TENM1: variants seen among roughly 807,000 people sequenced by gnomAD.
The protein encoded by TENM1 is teneurin transmembrane protein 1, also known as teneurin-1.
Under a neutral mutation model 174.8 loss-of-function variants are expected in TENM1, and 35 were observed. That is an observed-to-expected ratio of 0.20 (90% CI 0.15 to 0.27). The LOEUF (loss-of-function observed/expected upper bound fraction) is 0.27, where lower values mean the gene tolerates loss of function less well. TENM1 is among the 10% of genes least tolerant of loss of function. TENM1 has a pLI of 1.00. For missense variants in TENM1, 1,633 were observed against 2,130.1 expected (o/e 0.77, Z 4.59); for synonymous variants, 781 against 798.7 (o/e 0.98, Z 0.37).
chrX:124,433,354 A>C (rs2060800476), intron 23 of TENM1, among the ~76,000 whole-genome samples: 1 of 112,165 alleles, frequency 8.9e-6, no homozygotes, highest in African/African-American at 3.2e-5. Context: ...AGCAAAGTCC[A>C]CTAGGGCAGT....
intron 3 of TENM1, among the ~76,000 whole-genome samples, chrX:124,847,386 C>G (rs1381097801): frequency 8.9e-6 from 1 of 111,917 alleles, no homozygotes; most frequent in East Asian, 2.8e-4. Flanking sequence ...ACCTTCGAAT[C>G]TTTCAAAACA....
rs890290793 is a variant in TENM1, at chrX:124,463,472, T to G, written c.3950-9981A>C. ...TAGTCAAAAATTTCCACACAGGCCCTGCTTGAACACTTTAGGCTTTTCTGT... is the reference window on the plus strand; with the variant it reads ...TAGTCAAAAATTTCCACACAGGCCCGGCTTGAACACTTTAGGCTTTTCTGT... On this transcript the variant is annotated intron_variant, in intron 22 of 31. Transcript: ENST00000422452. Among the ~76,000 whole-genome samples the G allele has an allele frequency of 2.7e-5, 3 of 111,874 alleles. No homozygotes were observed. The East Asian group carries it at 8.4e-4, about 31-fold the overall frequency.
At chrX:125,055,227 C>T in the TENM1 span, among the ~76,000 whole-genome samples, 5 of 111,491 alleles carry the variant, frequency 4.5e-5, no homozygotes, top group East Asian at 1.4e-3. Context: ...ATTATTATTA[C>T]GTCAGTTTTA....
intron 3 of TENM1, among the ~76,000 whole-genome samples, chrX:124,808,272 A>G (rs2055667627): frequency 1.8e-5 from 2 of 112,204 alleles, no homozygotes; most frequent in South Asian, 7.4e-4. Context: ...CAATTTAGCA[A>G]GAGGATATAA....
At chrX:124,409,955 T>C (rs1224735732) in intron 25 of TENM1, among the ~76,000 whole-genome samples, 3 of 109,623 alleles carry the variant, frequency 2.7e-5, no homozygotes, top group Non-Finnish European at 5.7e-5. Context: ...CAAGGTAATT[T>C]ATAGATTCAA....
chrX:124,682,020 C>T (rs548531832), intron 5 of TENM1, among the ~76,000 whole-genome samples: 135 of 111,574 alleles, frequency 1.2e-3, no homozygotes, highest in African/African-American at 4.1e-3. Context: ...AGAGGGCCTC[C>T]GGTCTTTGAG....
At chrX:124,880,849 A>T (rs1447117403) in intron 3 of TENM1, among the ~76,000 whole-genome samples, 1 of 112,051 alleles carries the variant, frequency 8.9e-6, no homozygotes, top group Non-Finnish European at 1.9e-5. Flanking sequence ...TGATTTGCAT[A>T]TATTGAACCA....
At chrX:124,951,874 C>T (rs1035093163) in intron 1 of TENM1, among the ~76,000 whole-genome samples, 3 of 109,282 alleles carry the variant, frequency 2.7e-5, no homozygotes, top group Non-Finnish European at 5.7e-5. Flanking sequence ...ACAGCCAGCC[C>T]GCTTGTAGCT....
the TENM1 span, among the ~76,000 whole-genome samples, chrX:125,000,539 T>C: frequency 1.8e-5 from 2 of 111,933 alleles, no homozygotes; most frequent in African/African-American, 6.5e-5. Context: ...AAAGGAGACA[T>C]GTTAATGCAT....
chrX:124,930,686 G>C (rs886224110), intron 1 of TENM1, among the ~76,000 whole-genome samples: 30 of 111,777 alleles, frequency 2.7e-4, no homozygotes, highest in African/African-American at 9.1e-4. Context: ...GCACACTGTG[G>C]GGGCTTGATA....
At chrX:124,806,258 A>G (rs1454166009) in intron 3 of TENM1, among the ~76,000 whole-genome samples, 1 of 112,168 alleles carries the variant, frequency 8.9e-6, no homozygotes, top group Non-Finnish European at 1.9e-5. Flanking sequence ...ATTTAAGAGT[A>G]TCTAGTCAAA....
At chrX:124,440,937 C>T (rs1323324582) in intron 23 of TENM1, among the ~76,000 whole-genome samples, 1 of 112,015 alleles carries the variant, frequency 8.9e-6, no homozygotes, top group East Asian at 2.8e-4. Context: ...ACTGACATGG[C>T]AAACGTACAC....
chrX:124,678,513 G>A (rs761692950), intron 5 of TENM1, among the ~76,000 whole-genome samples: 1 of 110,661 alleles, frequency 9.0e-6, no homozygotes, highest in African/African-American at 3.3e-5. Context: ...TAAAATACCA[G>A]GTGCTCAACA....
At chrX:124,968,735 A>T (rs2147834819), upstream of TENM1, among the ~76,000 whole-genome samples, 1 of 111,815 alleles carries the variant, frequency 8.9e-6, no homozygotes, top group South Asian at 3.8e-4. Flanking sequence ...CCAGGTGACA[A>T]GGAAAACTTT....
At chrX:124,397,981 C>A (rs952996238) in intron 27 of TENM1, among the ~76,000 whole-genome samples, 1 of 109,291 alleles carries the variant, frequency 9.1e-6, no homozygotes. Flanking sequence ...GTAATCCCAG[C>A]ACTTTGGGAG....
chrX:124,757,163 C>CAG (rs1203844776), intron 3 of TENM1, among the ~76,000 whole-genome samples: 9 of 112,535 alleles, frequency 8.0e-5, no homozygotes, highest in East Asian at 2.8e-4. Context: ...GAGCTTCCGG[C>CAG]CTGCTTTGTT....
chrX:125,125,669 T>C, the TENM1 span, among the ~76,000 whole-genome samples: 1 of 112,131 alleles, frequency 8.9e-6, no homozygotes, highest in South Asian at 3.7e-4. Flanking sequence ...CCAGCTGTTC[T>C]AGTTATTTCC....
chrX:124,384,960 T>C, intron 29 of TENM1, 106 bp from the exon 33 acceptor site: 1 of 726,784 alleles, frequency 1.4e-6, no homozygotes, highest in Non-Finnish European at 1.9e-6. Flanking sequence ...ATATTCATAA[T>C]ACAATATTAG....
At chrX:125,103,685 T>C in the TENM1 span, among the ~76,000 whole-genome samples, 23 of 112,655 alleles carry the variant, frequency 2.0e-4, no homozygotes, top group African/African-American at 7.4e-4. Flanking sequence ...CCTGCTTGCT[T>C]AATATAAAAT....
Sources: allele counts gnomAD v4.1 joint callset (sites outside exome capture counted in the v4.1 genomes callset), GRCh38; gene constraint gnomAD v4.1.1; transcripts MANE v1.5; gene names NCBI Gene and HGNC (gene_info 2026-07-23, HGNC 2026-07-21).